UNC79: variants seen among roughly 807,000 people sequenced by gnomAD.
UNC79 encodes the protein unc-79 subunit of NALCN channel complex.
UNC79 carries 37 observed loss-of-function variants against 283.1 expected under a neutral mutation model. The ratio of observed to expected loss-of-function variants is 0.13; its 90% CI spans 0.10 to 0.17. UNC79 has a LOEUF of 0.17. UNC79 is among the 10% of genes least tolerant of loss of function. The pLI is 1.00. For synonymous variants in UNC79, 1,107 were observed against 1,200.2 expected, an observed-to-expected ratio of 0.92 and a Z score of 1.61; for missense variants, 2,272 against 3,211.1, an observed-to-expected ratio of 0.71 and a Z score of 7.07.
At chr14:93,495,477 G>C (rs1386714290) in intron 5 of UNC79, among the ~76,000 whole-genome samples, 1 of 152,202 alleles carries the variant, frequency 6.6e-6, no homozygotes, top group Non-Finnish European at 1.5e-5. Flanking sequence ...AATTCAAGAT[G>C]AGATTTGGGT....
intron 32 of UNC79, 56 bp from the exon 36 acceptor site, chr14:93,641,089 C>G: frequency 6.7e-7 from 1 of 1,489,242 alleles, no homozygotes; most frequent in Non-Finnish European, 9.2e-7. Context: ...CCAGGCCTTT[C>G]TTGGCCCCTT....
intron 40 of UNC79, among the ~76,000 whole-genome samples, chr14:93,669,933 G>A (rs1168026158): frequency 6.6e-6 from 1 of 152,076 alleles, no homozygotes; most frequent in Admixed American, 6.5e-5. Flanking sequence ...ACATATGAGG[G>A]GGCAAGACAC....
At chr14:93,576,225 C>T (rs146723497) in intron 17 of UNC79, among the ~76,000 whole-genome samples, 77 of 152,200 alleles carry the variant, frequency 5.1e-4, no homozygotes, top group Admixed American at 1.6e-3. Flanking sequence ...ACAGAAACAC[C>T]GTGAATACCT....
At chr14:93,569,308 C>T (rs1271457930) in intron 14 of UNC79, among the ~76,000 whole-genome samples, 2 of 152,036 alleles carry the variant, frequency 1.3e-5, no homozygotes, top group South Asian at 2.1e-4. Flanking sequence ...TGGTGGCACA[C>T]GACTGTAGTC....
intron 40 of UNC79, among the ~76,000 whole-genome samples, chr14:93,669,008 T>C (rs1422603326): frequency 7.6e-6 from 1 of 131,618 alleles, no homozygotes; most frequent in Non-Finnish European, 1.6e-5. Flanking sequence ...AAAAAGAATA[T>C]GCAAGAACTT....
intron 40 of UNC79, among the ~76,000 whole-genome samples, chr14:93,663,152 C>T (rs564934442): frequency 6.6e-6 from 1 of 152,258 alleles, no homozygotes. Flanking sequence ...TAATTCTCAT[C>T]ATTTGTCTGT....
chr14:93,578,967 T>C (rs1460709798), intron 18 of UNC79, among the ~76,000 whole-genome samples: 2 of 152,202 alleles, frequency 1.3e-5, no homozygotes, highest in Non-Finnish European at 2.9e-5. Context: ...TTGACTTTTT[T>C]TTAAAATTAT....
chr14:93,498,189 C>T (rs999077894), intron 7 of UNC79, among the ~76,000 whole-genome samples: 3 of 151,396 alleles, frequency 2.0e-5, no homozygotes, highest in African/African-American at 7.3e-5. Context: ...ATCACTTGAA[C>T]CCAGGAGGAG....
At chr14:93,455,161 A>G (rs1422857978) in intron 1 of UNC79, among the ~76,000 whole-genome samples, 1 of 152,162 alleles carries the variant, frequency 6.6e-6, no homozygotes, top group Non-Finnish European at 1.5e-5. Flanking sequence ...CATCCTTTGG[A>G]CTGTTCAGCC....
chr14:93,404,493 A>AAAAAAAAAAAAATATATATATATAT, intron 1 of UNC79, among the ~76,000 whole-genome samples: 11 of 61,484 alleles, frequency 1.8e-4, no homozygotes, highest in African/African-American at 3.3e-4. Flanking sequence ...TTCTAAAAAA[A>AAAAAAAAAAAAATATATATATATAT]ATATATATAT....
intron 14 of UNC79, among the ~76,000 whole-genome samples, chr14:93,545,391 G>A (rs1321841368): frequency 6.6e-5 from 10 of 152,168 alleles, no homozygotes; most frequent in Admixed American, 5.9e-4. Context: ...CTCTTAAAAG[G>A]AATCTCAGAT....
At chr14:93,494,162 G>A (rs1231118484) in intron 5 of UNC79, among the ~76,000 whole-genome samples, 1 of 151,676 alleles carries the variant, frequency 6.6e-6, no homozygotes, top group Non-Finnish European at 1.5e-5. Context: ...CACCCGCCTC[G>A]GCCTCCCACA....
intron 7 of UNC79, among the ~76,000 whole-genome samples, chr14:93,521,128 C>G (rs1184172542): frequency 1.3e-5 from 2 of 151,940 alleles, no homozygotes. Flanking sequence ...GTAACTTTTT[C>G]TCTAATGTTA....
At chr14:93,652,422 GT>G (rs1160890021) in intron 35 of UNC79, among the ~76,000 whole-genome samples, 1 of 151,852 alleles carries the variant, frequency 6.6e-6, no homozygotes, top group Non-Finnish European at 1.5e-5. Flanking sequence ...TGCCCAGCTA[GT>G]TTTTTGTATT....
intron 1 of UNC79, among the ~76,000 whole-genome samples, chr14:93,344,329 T>C (rs2053778526): frequency 6.6e-6 from 1 of 152,158 alleles, no homozygotes; most frequent in Non-Finnish European, 1.5e-5. Flanking sequence ...TTGTTAGCAA[T>C]AGAAATGCAG....
chr14:93,484,025 C>A (rs188316000), intron 4 of UNC79, among the ~76,000 whole-genome samples: 1 of 152,272 alleles, frequency 6.6e-6, no homozygotes, highest in African/African-American at 2.4e-5. Context: ...TTTATAGCAG[C>A]ATGATTTATA....
intron 1 of UNC79, among the ~76,000 whole-genome samples, chr14:93,380,106 G>A (rs2054636859): frequency 6.6e-6 from 1 of 152,140 alleles, no homozygotes; most frequent in African/African-American, 2.4e-5. Context: ...TAAGGAAGCT[G>A]GCACGTAGTA....
At chr14:93,557,653 G>GA (rs1229731560) in intron 14 of UNC79, among the ~76,000 whole-genome samples, 1 of 152,110 alleles carries the variant, frequency 6.6e-6, no homozygotes, top group Non-Finnish European at 1.5e-5. Flanking sequence ...GATGGAGAGA[G>GA]AGTACCCCCA....
At chr14:93,352,667 A>G (rs1323969791) in intron 1 of UNC79, among the ~76,000 whole-genome samples, 1 of 152,212 alleles carries the variant, frequency 6.6e-6, no homozygotes, top group Non-Finnish European at 1.5e-5. Flanking sequence ...GGGGAAATTC[A>G]GGGTTAAGTT....
Sources: allele counts gnomAD v4.1 joint callset (sites outside exome capture counted in the v4.1 genomes callset), GRCh38; gene constraint gnomAD v4.1.1; transcripts MANE v1.5; gene names NCBI Gene and HGNC (gene_info 2026-07-23, HGNC 2026-07-21).